SNTG1: variants seen among roughly 807,000 people sequenced by gnomAD.
The protein encoded by SNTG1 is syntrophin gamma 1, also known as gamma-1-syntrophin.
In SNTG1, 39 loss-of-function variants were observed where a neutral mutation model predicts 74.7. That is an observed-to-expected ratio of 0.52 (90% CI 0.40 to 0.68). SNTG1 has a LOEUF of 0.68. Ranked by LOEUF, SNTG1 falls within the 30% of genes least tolerant of loss-of-function variation. The pLI, the probability that SNTG1 is intolerant of heterozygous loss-of-function variation, is 0.00. For missense variants in SNTG1, 685 were observed against 609.5 expected (o/e 1.12, Z -1.30); for synonymous variants, 254 against 217.1 (o/e 1.17, Z -1.49).
chr8:50,053,939 A>G (rs1819804129), intron 1 of SNTG1, among the ~76,000 whole-genome samples: 1 of 152,196 alleles, frequency 6.6e-6, no homozygotes, highest in Admixed American at 6.5e-5. Flanking sequence ...CAGGTGGAGA[A>G]CAAGATACTT....
At chr8:50,178,139 A>G (rs2083067430) in intron 2 of SNTG1, among the ~76,000 whole-genome samples, 1 of 152,216 alleles carries the variant, frequency 6.6e-6, no homozygotes, top group East Asian at 1.9e-4. Context: ...TACAGCTGCA[A>G]TAAAAATATT....
At position 50,795,422 on chromosome 8, in the gene SNTG1, T is replaced by C. The variant is rs1359478230; in HGVS notation, c.*2593T>C. ...ATGAACAAAAACACTTAAAAATTTC[T>C]ATCTCTCATATAATTTAGGTTTACA... On this transcript the variant is annotated 3_prime_UTR_variant, in exon 19 of 19. Coordinates refer to ENST00000642720, the MANE Select transcript of SNTG1 (RefSeq NM_018967.5). 3 of 152,122 alleles carry C rather than the reference T, an allele frequency of 2.0e-5. No individual in the cohort carries two copies. The highest frequency in any genetic ancestry group is 4.8e-5 in the African/African-American group (2 of 41,460). 9.4% of individuals were successfully genotyped at this position (152,122 alleles called of 1,614,324 possible).
rs199621444 is a variant in SNTG1, at chr8:50,035,314, ACCT to A, written c.-103+123085_-103+123087del. Among the ~76,000 whole-genome samples, 677 of 151,804 alleles carry A rather than the reference ACCT, an allele frequency of 4.5e-3. 6 individuals are homozygous for A. Among genetic ancestry groups the A allele is most frequent in the African/African-American group, 0.016 (654 of 41,356 alleles). ...GAACAATCTTTTACTCACACATCTCACCTCTGTGGGGGCTCCCTCTGTTCTTTT... is the reference window on the plus strand; with the variant it reads ...GAACAATCTTTTACTCACACATCTCACTGTGGGGGCTCCCTCTGTTCTTTT... On this transcript the variant is annotated intron_variant, in intron 1 of 18. Transcript: ENST00000642720.
chr8:50,667,265 A>G (rs2095255229), intron 15 of SNTG1, among the ~76,000 whole-genome samples: 1 of 152,132 alleles, frequency 6.6e-6, no homozygotes, highest in Non-Finnish European at 1.5e-5. Flanking sequence ...AGGTATTAGT[A>G]GAAACTATTG....
chr8:50,715,040 A>G (rs1382052943), intron 17 of SNTG1, among the ~76,000 whole-genome samples: 1 of 152,166 alleles, frequency 6.6e-6, no homozygotes, highest in Non-Finnish European at 1.5e-5. Context: ...ATGATTCTAA[A>G]AAAGTTTGAA....
chr8:50,514,480 T>C (rs1269032874), intron 9 of SNTG1, among the ~76,000 whole-genome samples: 1 of 152,206 alleles, frequency 6.6e-6, no homozygotes, highest in East Asian at 1.9e-4. Context: ...TGATTTCTTT[T>C]TGACTTATTG....
intron 2 of SNTG1, among the ~76,000 whole-genome samples, chr8:50,235,813 C>A (rs1407771720): frequency 2.0e-5 from 3 of 151,896 alleles, no homozygotes; most frequent in Admixed American, 1.3e-4. Context: ...AAATGTACTT[C>A]GGTTTTCTTA....
At position 50,279,554 on chromosome 8, in the gene SNTG1, T is replaced by C. The variant is rs1444721986; in HGVS notation, c.-28+106919T>C. On this transcript the variant is annotated intron_variant, in intron 2 of 18. Coordinates refer to ENST00000642720, the MANE Select transcript of SNTG1 (RefSeq NM_018967.5). ...TATGTGTTTATGTGCATTTTTAAAG[T>C]ATATCATGTAAATTTAAAAAAATAT... Among the ~76,000 whole-genome samples the C allele has an allele frequency of 2.0e-5, 3 of 152,204 alleles. No homozygotes were observed. The East Asian group carries it at 5.8e-4, about 29-fold the overall frequency.
intron 2 of SNTG1, among the ~76,000 whole-genome samples, chr8:50,356,407 T>C (rs888252537): frequency 1.5e-4 from 23 of 152,312 alleles, no homozygotes; most frequent in African/African-American, 5.5e-4. Flanking sequence ...AATGTTGCCA[T>C]AGAAATAAAT....
intron 1 of SNTG1, among the ~76,000 whole-genome samples, chr8:49,978,840 G>A (rs947574140): frequency 1.3e-5 from 2 of 152,128 alleles, no homozygotes; most frequent in Admixed American, 1.3e-4. Flanking sequence ...AAGAAGTTGA[G>A]TAACATCCGA....
intron 18 of SNTG1, among the ~76,000 whole-genome samples, chr8:50,790,804 G>A (rs1585806389): frequency 1.3e-5 from 2 of 151,984 alleles, no homozygotes; most frequent in South Asian, 4.2e-4. Context: ...CAAGGTGGGA[G>A]TAATTGAAAA....
intron 2 of SNTG1, among the ~76,000 whole-genome samples, chr8:50,270,474 CGAAAAATCT>C (rs1291561126): frequency 6.6e-6 from 1 of 152,100 alleles, no homozygotes; most frequent in Non-Finnish European, 1.5e-5. Flanking sequence ...GAATTCAACA[CGAAAAATCT>C]GTTATGATTG....
intron 1 of SNTG1, among the ~76,000 whole-genome samples, chr8:50,045,792 AG>A (rs1299418615): frequency 1.3e-5 from 2 of 152,212 alleles, no homozygotes; most frequent in African/African-American, 4.8e-5. Context: ...TTAGGATAAA[AG>A]AGACACAAAG....
chr8:49,957,610 C>G (rs1810294360), intron 1 of SNTG1, among the ~76,000 whole-genome samples: 1 of 152,138 alleles, frequency 6.6e-6, no homozygotes, highest in Non-Finnish European at 1.5e-5. Flanking sequence ...CCCTCGATTA[C>G]TTGATTTTAC....
chr8:49,991,746 C>G (rs1813711705), intron 1 of SNTG1, among the ~76,000 whole-genome samples: 1 of 151,978 alleles, frequency 6.6e-6, no homozygotes, highest in South Asian at 2.1e-4. Context: ...ATATAATGTC[C>G]AGAATAGGCA....
At chr8:49,950,035 G>A (rs1177404809) in intron 1 of SNTG1, among the ~76,000 whole-genome samples, 1 of 152,164 alleles carries the variant, frequency 6.6e-6, no homozygotes, top group Non-Finnish European at 1.5e-5. Context: ...GCTGAAGCAG[G>A]AGAATTGTTT....
At chr8:50,612,117 G>T (rs984832545) in intron 13 of SNTG1, among the ~76,000 whole-genome samples, 2 of 152,162 alleles carry the variant, frequency 1.3e-5, no homozygotes, top group African/African-American at 4.8e-5. Flanking sequence ...AGAGCATAAT[G>T]TTCATTGTAG....
intron 1 of SNTG1, among the ~76,000 whole-genome samples, chr8:50,068,677 G>A (rs751673225): frequency 6.6e-6 from 1 of 152,018 alleles, no homozygotes; most frequent in African/African-American, 2.4e-5. Flanking sequence ...ATTGTGGTAG[G>A]ATTCTTTTTC....
intron 1 of SNTG1, among the ~76,000 whole-genome samples, chr8:50,018,903 G>A (rs1274350360): frequency 6.6e-6 from 1 of 151,974 alleles, no homozygotes; most frequent in East Asian, 1.9e-4. Context: ...AAGCCACTGT[G>A]AAAACAATTT....
Sources: allele counts gnomAD v4.1 joint callset (sites outside exome capture counted in the v4.1 genomes callset), GRCh38; gene constraint gnomAD v4.1.1; transcripts MANE v1.5; gene names NCBI Gene and HGNC (gene_info 2026-07-23, HGNC 2026-07-21).